The following JMJD1C variants were observed in gnomAD, a reference collection of about 807,000 sequenced individuals.
JMJD1C encodes jumonji domain containing 1C, also known as jumonji domain-containing protein 1C.
A neutral mutation model predicts 245.3 loss-of-function variants in JMJD1C; 31 were observed. The ratio of observed to expected loss-of-function variants is 0.13; its 90% confidence interval spans 0.09 to 0.17. JMJD1C has a LOEUF of 0.17. JMJD1C is among the 10% of genes least tolerant of loss of function. The pLI, the probability that JMJD1C is intolerant of heterozygous loss-of-function variation, is 1.00. For missense variants in JMJD1C, 2,691 were observed against 3,000.2 expected, an observed-to-expected ratio of 0.90 and a Z score of 2.41; for synonymous variants, 1,057 against 1,017.4, an observed-to-expected ratio of 1.04 and a Z score of -0.74.
chr10:63,286,280 T>C (rs1468778301), intron 2 of JMJD1C, among the ~76,000 whole-genome samples: 1 of 152,240 alleles, frequency 6.6e-6, no homozygotes, highest in East Asian at 1.9e-4. Flanking sequence ...ATTCTAAGAA[T>C]ACACATATCT....
At chr10:63,312,520 C>T (rs994406877) in intron 2 of JMJD1C, among the ~76,000 whole-genome samples, 1 of 152,136 alleles carries the variant, frequency 6.6e-6, no homozygotes, top group African/African-American at 2.4e-5. Context: ...TAAAAAATTA[C>T]TTTTCCCACT....
intron 11 of JMJD1C, 76 bp downstream of exon 11, chr10:63,200,400 A>G (rs1382719109): frequency 1.9e-6 from 2 of 1,076,300 alleles, no homozygotes; most frequent in African/African-American, 3.1e-5. Flanking sequence ...CAAAAGGGAC[A>G]CTCAGAATAA....
chr10:63,447,651 C>A (rs769549725), intron 1 of JMJD1C, among the ~76,000 whole-genome samples: 3 of 151,852 alleles, frequency 2.0e-5, no homozygotes, highest in Non-Finnish European at 4.4e-5. Context: ...GTGATCAAAT[C>A]TTATTTTCTA....
chr10:63,331,990 A>T (rs1422590872), intron 2 of JMJD1C, among the ~76,000 whole-genome samples: 1 of 152,200 alleles, frequency 6.6e-6, no homozygotes. Context: ...TATTCACTAC[A>T]TGCTCAGAAA....
intron 2 of JMJD1C, chr10:63,269,002 T>C (rs892703653): frequency 6.1e-6 from 6 of 985,356 alleles, no homozygotes; most frequent in Admixed American, 1.2e-4. Flanking sequence ...TCATCAGCAC[T>C]GTGGTGTTAA....
At chr10:63,446,608 A>G (rs1951733775) in intron 1 of JMJD1C, among the ~76,000 whole-genome samples, 1 of 152,220 alleles carries the variant, frequency 6.6e-6, no homozygotes, top group Admixed American at 6.5e-5. Context: ...GAGAGGCAAG[A>G]AAGACAGATA....
Position 63,193,465 on chromosome 10 carries a change from T to G in JMJD1C, c.5742A>C (p.Thr1914=). ...GAGTGTGCATGGCATCTAGAAGATC[T>G]GTCAAAACTACAAAATAAAATGGTA... The part of the protein sequence containing the change: ...PTQIIPGSVL[T]DLLDAMHTLR... Residue 1914 remains threonine, a synonymous_variant, in exon 15 of 26, where the codon ACA becomes ACC. Transcript: ENST00000399262. 6.3e-7 allele frequency: 1 copy of G among 1,581,722 alleles called. No homozygotes were observed. Among genetic ancestry groups the G allele is most frequent in the Non-Finnish European group, 8.6e-7 (1 of 1,163,482 alleles).
intron 2 of JMJD1C, among the ~76,000 whole-genome samples, chr10:63,274,614 T>C (rs1019966819): frequency 6.6e-6 from 1 of 152,242 alleles, no homozygotes; most frequent in African/African-American, 2.4e-5. Context: ...ATGCAGATCT[T>C]CTAAGCAATG....
chr10:63,364,108 G>T (rs896506722), intron 2 of JMJD1C, among the ~76,000 whole-genome samples: 10 of 151,942 alleles, frequency 6.6e-5, no homozygotes, highest in African/African-American at 2.4e-4. Flanking sequence ...TAGGTGATCC[G>T]CCCACCTTGG....
intron 5 of JMJD1C, 63 bp from the exon 6 acceptor site, chr10:63,215,759 T>A (rs1237738502): frequency 2.6e-6 from 3 of 1,147,540 alleles, no homozygotes; most frequent in East Asian, 5.2e-5. Context: ...ATATTTGGTA[T>A]AATTTCTTTA....
intron 2 of JMJD1C, chr10:63,358,801 C>A (rs1945084557): frequency 6.5e-6 from 1 of 153,120 alleles, no homozygotes; most frequent in Non-Finnish European, 1.5e-5. Flanking sequence ...GGAAAGGCGG[C>A]CAGTTAAAAC....
At chr10:63,520,521 A>G (rs958343019) in intron 1 of JMJD1C, among the ~76,000 whole-genome samples, 5 of 150,404 alleles carry the variant, frequency 3.3e-5, no homozygotes, top group African/African-American at 1.2e-4. Flanking sequence ...AAAAAAAAAA[A>G]CAGTTTTAAA....
chr10:63,402,492 G>T (rs191483364), intron 1 of JMJD1C, among the ~76,000 whole-genome samples: 1 of 152,236 alleles, frequency 6.6e-6, no homozygotes, highest in Non-Finnish European at 1.5e-5. Flanking sequence ...ATATCATAAT[G>T]CCTTATCCCC....
chr10:63,491,946 G>A (rs557311841), intron 1 of JMJD1C, among the ~76,000 whole-genome samples: 2 of 152,368 alleles, frequency 1.3e-5, no homozygotes, highest in Non-Finnish European at 2.9e-5. Context: ...ACTAAGAGGG[G>A]CAGAGCGGGG....
At chr10:63,500,678 G>A (rs1347823413) in intron 1 of JMJD1C, among the ~76,000 whole-genome samples, 1 of 152,062 alleles carries the variant, frequency 6.6e-6, no homozygotes, top group Non-Finnish European at 1.5e-5. Flanking sequence ...GTTGCAGTGA[G>A]CTGAGATCGG....
chr10:63,366,289 T>C (rs1446760916), intron 2 of JMJD1C, among the ~76,000 whole-genome samples: 1 of 152,198 alleles, frequency 6.6e-6, no homozygotes, highest in African/African-American at 2.4e-5. Flanking sequence ...AGTACTGTCA[T>C]ACACTGTGAT....
chr10:63,441,562 T>C (rs1951389164), intron 1 of JMJD1C, among the ~76,000 whole-genome samples: 1 of 152,224 alleles, frequency 6.6e-6, no homozygotes, highest in Admixed American at 6.5e-5. Flanking sequence ...TCCTCCTGCA[T>C]TAGATCATAA....
intron 2 of JMJD1C, among the ~76,000 whole-genome samples, chr10:63,277,171 G>C (rs923542198): frequency 2.0e-5 from 3 of 151,692 alleles, no homozygotes; most frequent in Non-Finnish European, 4.4e-5. Flanking sequence ...ATGAGCCACC[G>C]TGCCTGGCCA....
At chr10:63,397,784 T>C (rs1445499958) in intron 1 of JMJD1C, among the ~76,000 whole-genome samples, 1 of 152,204 alleles carries the variant, frequency 6.6e-6, no homozygotes, top group Non-Finnish European at 1.5e-5. Flanking sequence ...TCCTCCTGCC[T>C]TGGCCTCCCA....
Sources: allele counts gnomAD v4.1 joint callset (sites outside exome capture counted in the v4.1 genomes callset), GRCh38; gene constraint gnomAD v4.1.1; transcripts MANE v1.5; gene names NCBI Gene and HGNC (gene_info 2026-07-23, HGNC 2026-07-21).